Variants in PKIA observed in about 807,000 individuals in gnomAD.
PKIA encodes the protein cAMP-dependent protein kinase inhibitor alpha, also known as PKI-alpha.
PKIA carries 4 observed loss-of-function variants against 7.6 expected under a neutral mutation model. The ratio of observed to expected loss-of-function variants is 0.52; its 90% CI spans 0.26 to 1.20. PKIA has a LOEUF of 1.20. Among genes scored for constraint, PKIA ranks in the 50% most tolerant of loss-of-function variants. The pLI is 0.13. For synonymous variants in PKIA, 21 were observed against 30.7 expected (o/e 0.68, Z 1.04); for missense variants, 73 against 86.2 (o/e 0.85, Z 0.61).
intron 1 of PKIA, among the ~76,000 whole-genome samples, chr8:78,546,018 G>C (rs1312500398): frequency 6.6e-6 from 1 of 152,130 alleles, no homozygotes; most frequent in Non-Finnish European, 1.5e-5. Context: ...GTGAGCCCAG[G>C]TTTGCTAGAG....
At chr8:78,570,829 A>G (rs7002843) in intron 1 of PKIA, among the ~76,000 whole-genome samples, 36,700 of 151,910 alleles carry the variant, frequency 0.24, 5,157 homozygotes, top group African/African-American at 0.39. Context: ...CTGTGAATTT[A>G]TCTCCTCTTT....
chr8:78,569,608 A>G (rs1440315932), intron 1 of PKIA, among the ~76,000 whole-genome samples: 5 of 152,182 alleles, frequency 3.3e-5, no homozygotes, highest in African/African-American at 9.6e-5. Context: ...AAAACTACCA[A>G]TTATACCAAG....
intron 1 of PKIA, among the ~76,000 whole-genome samples, chr8:78,554,276 G>T (rs1807071538): frequency 6.6e-6 from 1 of 151,986 alleles, no homozygotes; most frequent in Non-Finnish European, 1.5e-5. Flanking sequence ...ATGCAACCTA[G>T]CATGTAGCCC....
chr8:78,528,962 C>A (rs1270798539), intron 1 of PKIA, among the ~76,000 whole-genome samples: 2 of 151,926 alleles, frequency 1.3e-5, no homozygotes, highest in Non-Finnish European at 2.9e-5. Context: ...AATACATCAA[C>A]TAATGTTGAA....
At chr8:78,589,875 A>C (rs1302894264) in intron 2 of PKIA, among the ~76,000 whole-genome samples, 2 of 152,212 alleles carry the variant, frequency 1.3e-5, no homozygotes, top group Non-Finnish European at 2.9e-5. Flanking sequence ...ATCACAAGTA[A>C]AGCACCTTGT....
In PKIA at chr8:78,598,511, G is replaced by T; in HGVS notation, c.127G>T (p.Ala43Ser). The T allele has an allele frequency of 1.2e-6, 2 of 1,610,580 alleles. No individual in the cohort carries two copies. The highest frequency in any genetic ancestry group is 2.2e-5 in the South Asian group (2 of 90,666). Residue 43 changes from alanine (A) to serine (S), a missense_variant, in exon 3 of 4, where the codon GCA (alanine) becomes TCA (serine). Coordinates refer to ENST00000396418, the MANE Select transcript of PKIA (RefSeq NM_006823.4). ...GNSNELALKL[A>S]GLDINKTEGE... ...CAGCAATGAATTAGCCTTGAAATTA[G>T]CAGGTCTTGATATCAACAAGACAGG...
chr8:78,575,624 C>T lies in PKIA; in HGVS notation c.-28+2685C>T, dbSNP rs371406664. 3.9e-5 allele frequency among the ~76,000 whole-genome samples: 6 copies of T among 152,110 alleles called. No homozygotes were observed. The East Asian group carries it at 7.7e-4, about 20-fold the overall frequency. On this transcript the variant is annotated intron_variant, in intron 2 of 3. Coordinates refer to ENST00000396418, the MANE Select transcript of PKIA (RefSeq NM_006823.4). The stretch of plus-strand genomic sequence containing the variant: ...TATACACGTGCAAGATTTATCTTAA[C>T]ATGTGTAACCACGATTAGAACTGCT...
intron 2 of PKIA, among the ~76,000 whole-genome samples, chr8:78,579,220 C>T (rs1444798943): frequency 6.6e-6 from 1 of 152,036 alleles, no homozygotes; most frequent in Non-Finnish European, 1.5e-5. Flanking sequence ...CTTACAGGAT[C>T]TTCCTCCTTC....
intron 2 of PKIA, among the ~76,000 whole-genome samples, chr8:78,591,806 G>A (rs879656989): frequency 6.6e-5 from 10 of 152,052 alleles, no homozygotes; most frequent in Non-Finnish European, 1.0e-4. Flanking sequence ...TAGCAACATA[G>A]ACAGGAAACT....
intron 2 of PKIA, among the ~76,000 whole-genome samples, chr8:78,597,814 A>C (rs1182756247): frequency 6.6e-6 from 1 of 152,066 alleles, no homozygotes; most frequent in Non-Finnish European, 1.5e-5. Flanking sequence ...GATAGAGATC[A>C]TATGACCCTC....
intron 2 of PKIA, among the ~76,000 whole-genome samples, chr8:78,592,036 G>A (rs1306327713): frequency 6.6e-6 from 1 of 151,846 alleles, no homozygotes; most frequent in Non-Finnish European, 1.5e-5. Context: ...AGTACAAGTC[G>A]TCTATACAGG....
intron 1 of PKIA, among the ~76,000 whole-genome samples, chr8:78,524,243 T>C (rs1337934537): frequency 6.9e-6 from 1 of 144,750 alleles, no homozygotes; most frequent in African/African-American, 2.5e-5. Flanking sequence ...TAAATATATA[T>C]GTTTTTATAT....
At chr8:78,554,429 A>T (rs1188476746) in intron 1 of PKIA, among the ~76,000 whole-genome samples, 1 of 152,010 alleles carries the variant, frequency 6.6e-6, no homozygotes, top group Non-Finnish European at 1.5e-5. Flanking sequence ...AAATCCAGGA[A>T]CTTAATATTG....
chr8:78,525,406 T>A (rs1563566365), intron 1 of PKIA, among the ~76,000 whole-genome samples: 1 of 151,906 alleles, frequency 6.6e-6, no homozygotes, highest in Non-Finnish European at 1.5e-5. Flanking sequence ...GCCTGTCACA[T>A]CTTCACGAGA....
chr8:78,568,167 A>G (rs1248028110), intron 1 of PKIA, among the ~76,000 whole-genome samples: 1 of 152,188 alleles, frequency 6.6e-6, no homozygotes, highest in Non-Finnish European at 1.5e-5. Context: ...ACACATATCT[A>G]TAATTTTTTA....
At chr8:78,555,502 T>C (rs1807108515) in intron 1 of PKIA, among the ~76,000 whole-genome samples, 2 of 152,058 alleles carry the variant, frequency 1.3e-5, no homozygotes, top group Admixed American at 1.3e-4. Flanking sequence ...TTATAAGCCA[T>C]ATAGTTGGAG....
chr8:78,600,293 T>A, intron 3 of PKIA, among the ~76,000 whole-genome samples: 1 of 149,804 alleles, frequency 6.7e-6, no homozygotes, highest in Admixed American at 7.3e-5. Flanking sequence ...GTGAGGAATT[T>A]TTTTTGTAAT....
intron 1 of PKIA, among the ~76,000 whole-genome samples, chr8:78,528,510 C>T (rs2118351551): frequency 6.6e-6 from 1 of 151,964 alleles, no homozygotes; most frequent in South Asian, 2.1e-4. Flanking sequence ...CTCTGGAATA[C>T]ATCTCTCTTA....
At position 78,557,968 on chromosome 8, in the gene PKIA, T is replaced by C. The variant is rs186960012; in HGVS notation, c.-156-14843T>C. 3.3e-3 allele frequency among the ~76,000 whole-genome samples: 509 copies of C among 152,332 alleles called. 4 individuals carry two copies. The highest frequency in any genetic ancestry group is 0.011 in the African/African-American group (472 of 41,574). On this transcript the variant is annotated intron_variant, in intron 1 of 3. Coordinates refer to ENST00000396418, the MANE Select transcript of PKIA (RefSeq NM_006823.4). ...AGCTAATTATAAATGTAAATTAGAC[T>C]CTAAGATGTCTTTTTTCCACTAACT...
Sources: gnomAD v4.1 joint callset for allele counts (sites outside exome capture counted in the v4.1 genomes callset) on GRCh38, gnomAD v4.1.1 for gene constraint, MANE v1.5 for transcripts, NCBI Gene and HGNC (gene_info 2026-07-23, HGNC 2026-07-21) for gene names.